PCDHGA6: variants seen among roughly 807,000 people sequenced by gnomAD.
The protein encoded by PCDHGA6 is protocadherin gamma-A6.
In PCDHGA6, 41 loss-of-function variants were observed where a neutral mutation model predicts 60.6. That is an observed-to-expected ratio of 0.68 (90% CI 0.53 to 0.88). The LOEUF (loss-of-function observed/expected upper bound fraction) is 0.88, where lower values mean the gene tolerates loss of function less well. Ranked by LOEUF, PCDHGA6 falls within the 40% of genes least tolerant of loss-of-function variation. The probability of loss-of-function intolerance (pLI) is 0.00; values close to 1 mark genes in which losing one functional copy is unlikely to be tolerated. For synonymous variants in PCDHGA6, 594 were observed against 524.4 expected (o/e 1.13, Z -1.81); for missense variants, 1,312 against 1,203.0 (o/e 1.09, Z -1.34).
chr5:141,404,596 G>A, intron 1 of PCDHGA6: 1 of 1,614,080 alleles, frequency 6.2e-7, no homozygotes, highest in Non-Finnish European at 8.5e-7. Context: ...ATGTGTCATT[G>A]AGACTGTTTG....
intron 2 of PCDHGA6, 179 bp downstream of exon 2, chr5:141,495,044 T>C (rs2099758475): frequency 1.1e-6 from 1 of 944,572 alleles, no homozygotes; most frequent in Non-Finnish European, 1.3e-6. Flanking sequence ...AAGAGGCGAC[T>C]GCCCTGACTG....
At chr5:141,415,477 C>T in intron 1 of PCDHGA6, 1 of 1,614,184 alleles carries the variant, frequency 6.2e-7, no homozygotes, top group Non-Finnish European at 8.5e-7. Flanking sequence ...CGCGGACTCG[C>T]GAAAGAGTCA....
rs760367783 is a variant in PCDHGA6 at position 141,394,819 on chromosome 5, C to T, written c.2424+18312C>T. The T allele has an allele frequency of 2.5e-6, 4 of 1,613,890 alleles. No individual in the cohort carries two copies. In the South Asian group the frequency reaches 4.4e-5, roughly 18 times the overall value. On this transcript the variant is annotated intron_variant, in intron 1 of 3. Transcript: ENST00000517434. ...ACCGTAGCCGTGGCTGACAGCATCCCCGAAGTCCTGACCGAGTTGGGCAGT... is the reference window on the plus strand; with the variant it reads ...ACCGTAGCCGTGGCTGACAGCATCCTCGAAGTCCTGACCGAGTTGGGCAGT...
chr5:141,381,823 CTTCT>C (rs1777510060), intron 1 of PCDHGA6, among the ~76,000 whole-genome samples: 4 of 101,610 alleles, frequency 3.9e-5, no homozygotes, highest in African/African-American at 4.3e-5. Flanking sequence ...TTTCTTTCTT[CTTCT>C]TTTTTTTTTT....
In PCDHGA6 at chr5:141,375,787, C is replaced by T. The variant is rs759753735; in HGVS notation, c.1704C>T (p.Pro568=). ...CCGAGATCCTGTACCCCGCCCTCCC[C>T]ACAGACGGTTCCACTGGCGTGGAGC... ...NAPEILYPAL[P]TDGSTGVELA... is the part of the protein sequence containing the mutation. The change falls in exon 1 of 4, where the codon CCC becomes CCT. Residue 568 remains proline, a synonymous_variant. Coordinates refer to ENST00000517434, the MANE Select transcript of PCDHGA6 (RefSeq NM_018919.3). 1 of 1,614,256 alleles carries T rather than the reference C, an allele frequency of 6.2e-7. No individual in the cohort carries two copies. Among genetic ancestry groups the T allele is most frequent in the South Asian group, 1.1e-5 (1 of 91,090 alleles).
chr5:141,410,252 C>A, intron 1 of PCDHGA6: 2 of 1,613,998 alleles, frequency 1.2e-6, no homozygotes. Context: ...ACTCTCTGAC[C>A]CCCAGGCTGA....
At chr5:141,410,235 G>A (rs753193390) in intron 1 of PCDHGA6, 2 of 1,613,970 alleles carry the variant, frequency 1.2e-6, no homozygotes, top group South Asian at 1.1e-5. Context: ...CTCAGCGACC[G>A]CCCTGTACTC....
At chr5:141,468,755 A>G (rs918829539) in intron 1 of PCDHGA6, among the ~76,000 whole-genome samples, 3 of 151,976 alleles carry the variant, frequency 2.0e-5, no homozygotes, top group African/African-American at 7.2e-5. Flanking sequence ...AGTCCCAGCT[A>G]CTCGGGAGGC....
rs200877911 is a variant in PCDHGA6 at position 141,477,977 on chromosome 5, A to G, written c.2425-16830A>G. ...ATCCCCTAACCAGAGCCTTTTTGCC[A>G]TAGGGCTGCACACTGGTCAAATCAG... On this transcript the variant is annotated intron_variant, in intron 1 of 3. Coordinates refer to ENST00000517434, the MANE Select transcript of PCDHGA6 (RefSeq NM_018919.3). The surrounding 1 kb of genome is among the most constrained non-coding windows in gnomAD (Gnocchi z 4.9). 5 of 1,614,092 alleles carry G rather than the reference A, an allele frequency of 3.1e-6. No individual in the cohort carries two copies. The East Asian group carries it at 6.7e-5, about 22-fold the overall frequency.
chr5:141,402,854 C>A, intron 1 of PCDHGA6: 2 of 1,423,530 alleles, frequency 1.4e-6, no homozygotes, highest in Non-Finnish European at 1.8e-6. Flanking sequence ...CCTCTTTCTT[C>A]TAAGGAAAAG....
chr5:141,433,223 T>C lies in PCDHGA6; in HGVS notation c.2424+56716T>C, dbSNP rs2097577369. On this transcript the variant is annotated intron_variant, in intron 1 of 3. Coordinates refer to ENST00000517434, the MANE Select transcript of PCDHGA6 (RefSeq NM_018919.3). The stretch of plus-strand genomic sequence containing the variant: ...AATCTTCTTTCTTTTTTTTTTTTAA[T>C]TGCTCTGTCTCCCAAGCTGGAATGC... The C allele has an allele frequency of 4.6e-6, 7 of 1,525,952 alleles. No individual in the cohort carries two copies. In the East Asian group the frequency reaches 1.6e-4, roughly 34 times the overall value. The allele number at this position is 1,525,952 out of a possible 1,614,324, so 94.5% of individuals were successfully genotyped here. A position where few individuals can be genotyped will look rare whatever the true frequency, so the allele number is the denominator to read the frequency against.
rs374575578 is a variant in PCDHGA6 at position 141,409,643 on chromosome 5, T to G, written c.2424+33136T>G. 4.3e-6 allele frequency: 7 copies of G among 1,613,620 alleles called. No homozygotes were observed. The African/African-American group carries it at 8.0e-5, about 18-fold the overall frequency. ...GCAAGTGAGCGCCTCTGACCCGGAT[T>G]TGGGGCTCAATGGCCACATCTCCTA... On this transcript the variant is annotated intron_variant, in intron 1 of 3. Coordinates refer to ENST00000517434, the MANE Select transcript of PCDHGA6 (RefSeq NM_018919.3).
At chr5:141,394,833 G>A (rs867584109) in intron 1 of PCDHGA6, 1 of 1,613,848 alleles carries the variant, frequency 6.2e-7, no homozygotes, top group South Asian at 1.1e-5. Flanking sequence ...AGTCCTGACC[G>A]AGTTGGGCAG....
In PCDHGA6 at chr5:141,490,028, G is replaced by A. The variant is rs752883792; in HGVS notation, c.2425-4779G>A. ...GCACCCATTGGTACTCTGCTGCTCC[G>A]CCTCAATGCCACTGATCCAGACGAG... On this transcript the variant is annotated intron_variant, in intron 1 of 3. Coordinates refer to ENST00000517434, the MANE Select transcript of PCDHGA6 (RefSeq NM_018919.3). The surrounding 1 kb of genome is among the most constrained non-coding windows in gnomAD (Gnocchi z 5.4). 20 of 1,614,070 alleles carry A rather than the reference G, an allele frequency of 1.2e-5. 1 individual carries two copies. Among genetic ancestry groups the A allele is most frequent in the South Asian group, 3.3e-5 (3 of 91,090 alleles).
intron 1 of PCDHGA6, among the ~76,000 whole-genome samples, chr5:141,381,181 G>A (rs1777044636): frequency 6.6e-6 from 1 of 152,230 alleles, no homozygotes; most frequent in African/African-American, 2.4e-5. Flanking sequence ...ACAAAACGAA[G>A]TTAAGCTTTC....
At chr5:141,450,152 A>G (rs958894990) in intron 1 of PCDHGA6, among the ~76,000 whole-genome samples, 1 of 151,132 alleles carries the variant, frequency 6.6e-6, no homozygotes, top group East Asian at 2.0e-4. Context: ...GACTACAGGC[A>G]TGTGCCACCA....
chr5:141,415,311 C>T, intron 1 of PCDHGA6: 2 of 1,614,242 alleles, frequency 1.2e-6, no homozygotes, highest in Non-Finnish European at 1.7e-6. Context: ...TGGCCTTCGT[C>T]ATCGTGCTGC....
intron 1 of PCDHGA6, chr5:141,408,379 G>C: frequency 6.2e-7 from 1 of 1,614,032 alleles, no homozygotes; most frequent in South Asian, 1.1e-5. Context: ...TCAGTGTCCT[G>C]GATGTGTCGG....
chr5:141,431,537 C>A lies in PCDHGA6; in HGVS notation c.2424+55030C>A, dbSNP rs2097391571. On this transcript the variant is annotated intron_variant, in intron 1 of 3. Transcript: ENST00000517434. This position sits in a 1 kb window ranked among gnomAD's most constrained non-coding sequence, Gnocchi z 4.8. ...TCCGGAGAATCTGGCCTTGGGCACG[C>A]AGCTGCTTGTAGTCAACGCTACCGA... 6.2e-7 allele frequency: 1 copy of A among 1,614,102 alleles called. No individual in the cohort carries two copies. The highest frequency in any genetic ancestry group is 1.3e-5 in the African/African-American group (1 of 75,072).
Sources: allele counts gnomAD v4.1 joint callset (sites outside exome capture counted in the v4.1 genomes callset), GRCh38; gene constraint gnomAD v4.1.1; non-coding constraint Gnocchi (gnomAD v3.1); transcripts MANE v1.5; gene names NCBI Gene and HGNC (gene_info 2026-07-23, HGNC 2026-07-21).